CCDC178: variants seen among roughly 807,000 people sequenced by gnomAD.
CCDC178 encodes coiled-coil domain containing 178, also known as coiled-coil domain-containing protein 178.
Under a neutral mutation model 117.4 loss-of-function variants are expected in CCDC178, and 126 were observed. The ratio of observed to expected loss-of-function variants is 1.07; its 90% CI spans 0.93 to 1.24. CCDC178 has a LOEUF of 1.24. CCDC178 is among the 50% of genes most tolerant of loss of function. The probability of loss-of-function intolerance (pLI) is 0.00; values close to 1 mark genes in which losing one functional copy is unlikely to be tolerated. For synonymous variants in CCDC178, 283 were observed against 313.4 expected, an observed-to-expected ratio of 0.90 and a Z score of 1.02; for missense variants, 1,030 against 986.9, an observed-to-expected ratio of 1.04 and a Z score of -0.59.
At chr18:33,231,060 T>C (rs562885608) in intron 15 of CCDC178, among the ~76,000 whole-genome samples, 19 of 152,352 alleles carry the variant, frequency 1.2e-4, no homozygotes, top group African/African-American at 4.1e-4. Flanking sequence ...TATTCTTAAA[T>C]ATCACTCAAT....
Position 33,370,443 on chromosome 18 carries a change from A to G in CCDC178, c.209-254T>C, listed in dbSNP as rs530872326. 1.6e-3 allele frequency among the ~76,000 whole-genome samples: 237 copies of G among 152,134 alleles called. 1 individual carries two copies. Among genetic ancestry groups the G allele is most frequent in the African/African-American group, 5.5e-3 (230 of 41,550 alleles). Reference sequence around the variant, plus strand: ...GAGAAGCCAAAATAAAACTTCAAGCAAAGTTGAAAAACATAGCATTGTGAA... The same window carrying G: ...GAGAAGCCAAAATAAAACTTCAAGCGAAGTTGAAAAACATAGCATTGTGAA... On this transcript the variant is annotated intron_variant, in intron 5 of 22. Transcript: ENST00000383096.
intron 21 of CCDC178, among the ~76,000 whole-genome samples, chr18:32,991,356 C>G (rs2055388566): frequency 6.6e-6 from 1 of 152,096 alleles, no homozygotes; most frequent in East Asian, 1.9e-4. Context: ...GCCAGGATAA[C>G]TATGCCTAAT....
intron 22 of CCDC178, among the ~76,000 whole-genome samples, chr18:32,965,642 T>C (rs1231025947): frequency 6.6e-6 from 1 of 151,784 alleles, no homozygotes; most frequent in Non-Finnish European, 1.5e-5. Flanking sequence ...AGTGTATCTT[T>C]AGTATAAAAT....
At chr18:33,434,331 G>T (rs1252054795) in intron 2 of CCDC178, among the ~76,000 whole-genome samples, 3 of 152,034 alleles carry the variant, frequency 2.0e-5, no homozygotes, top group Non-Finnish European at 2.9e-5. Flanking sequence ...AAGAAATTAC[G>T]CCAACAGTTT....
intron 12 of CCDC178, among the ~76,000 whole-genome samples, chr18:33,277,386 C>T (rs564227361): frequency 1.3e-4 from 20 of 152,208 alleles, no homozygotes; most frequent in Non-Finnish European, 1.2e-4. Flanking sequence ...CTTGCAAATT[C>T]TATATGAGGA....
intron 5 of CCDC178, among the ~76,000 whole-genome samples, chr18:33,372,999 T>A (rs2063320342): frequency 6.6e-6 from 1 of 152,180 alleles, no homozygotes; most frequent in South Asian, 2.1e-4. Context: ...ACATCTTGAT[T>A]TTCTTTCCAA....
intron 21 of CCDC178, among the ~76,000 whole-genome samples, chr18:33,061,113 A>G (rs577348652): frequency 1.3e-5 from 2 of 152,112 alleles, no homozygotes; most frequent in Non-Finnish European, 2.9e-5. Context: ...GGCTTGTTTC[A>G]GCTTTAAAGA....
rs1404507483 is a variant in CCDC178, at chr18:33,200,368, CG to C, written c.2238+11527del. ...ATAGCCTGTTAGTGCAACACTAATG[CG>C]AAACAGCAGTCCAGCGGAAACATCT... On this transcript the variant is annotated intron_variant, in intron 20 of 22. Transcript: ENST00000383096. Among the ~76,000 whole-genome samples, 15 of 152,258 alleles carry C rather than the reference CG, an allele frequency of 9.9e-5. No homozygotes were observed. The East Asian group carries it at 2.7e-3, about 27-fold the overall frequency.
At chr18:33,317,446 C>T (rs571012934) in intron 11 of CCDC178, among the ~76,000 whole-genome samples, 6 of 152,248 alleles carry the variant, frequency 3.9e-5, no homozygotes, top group African/African-American at 1.2e-4. Flanking sequence ...TAACACTCAC[C>T]GCAAGTGTCC....
chr18:33,314,247 G>C (rs1012248586), intron 11 of CCDC178, among the ~76,000 whole-genome samples: 3 of 127,336 alleles, frequency 2.4e-5, no homozygotes, highest in Non-Finnish European at 4.9e-5. Flanking sequence ...ATTGTGCCTA[G>C]ATTCAGGCTG....
intron 21 of CCDC178, among the ~76,000 whole-genome samples, chr18:33,062,813 T>A (rs1371331831): frequency 6.6e-6 from 1 of 152,090 alleles, no homozygotes; most frequent in African/African-American, 2.4e-5. Flanking sequence ...CACAGTCCCT[T>A]ATTTCCACAT....
intron 9 of CCDC178, among the ~76,000 whole-genome samples, chr18:33,334,147 C>T (rs2062709525): frequency 6.6e-6 from 1 of 151,988 alleles, no homozygotes; most frequent in Non-Finnish European, 1.5e-5. Flanking sequence ...TTACAAATAA[C>T]ATAGTTCATG....
chr18:33,207,697 T>C (rs2059061429), intron 20 of CCDC178, among the ~76,000 whole-genome samples: 1 of 151,936 alleles, frequency 6.6e-6, no homozygotes, highest in African/African-American at 2.4e-5. Flanking sequence ...AAATGGTAGT[T>C]GATTGTCAAT....
At chr18:33,228,340 G>C (rs1053168690) in intron 15 of CCDC178, among the ~76,000 whole-genome samples, 1 of 151,910 alleles carries the variant, frequency 6.6e-6, no homozygotes, top group African/African-American at 2.4e-5. Flanking sequence ...TTTTTTAATT[G>C]TCAACTAGTG....
At chr18:33,109,491 G>T (rs549790734) in intron 20 of CCDC178, among the ~76,000 whole-genome samples, 1 of 151,384 alleles carries the variant, frequency 6.6e-6, no homozygotes, top group East Asian at 1.9e-4. Context: ...TTAATCCCTC[G>T]ATCTTTTAAA....
intron 20 of CCDC178, among the ~76,000 whole-genome samples, chr18:33,129,455 G>A (rs2058046261): frequency 6.6e-6 from 1 of 151,748 alleles, no homozygotes; most frequent in Non-Finnish European, 1.5e-5. Context: ...GCAAATCATG[G>A]CAATTTTATG....
chr18:32,968,470 T>C (rs2054861732), intron 22 of CCDC178, among the ~76,000 whole-genome samples: 1 of 152,002 alleles, frequency 6.6e-6, no homozygotes, highest in Admixed American at 6.6e-5. Flanking sequence ...GGAATGGGAA[T>C]GCGGATATGT....
intron 20 of CCDC178, among the ~76,000 whole-genome samples, chr18:33,114,106 AAT>A (rs1452210480): frequency 6.6e-6 from 1 of 152,068 alleles, no homozygotes; most frequent in East Asian, 1.9e-4. Flanking sequence ...TGTAGCAAAT[AAT>A]GTTCTGAGGC....
At chr18:33,317,434 T>C (rs1261787853) in intron 11 of CCDC178, among the ~76,000 whole-genome samples, 11 of 152,198 alleles carry the variant, frequency 7.2e-5, no homozygotes, top group Admixed American at 7.2e-4. Flanking sequence ...CTTTAAGAAC[T>C]GTAACACTCA....
Sources: gnomAD v4.1 joint callset for allele counts (sites outside exome capture counted in the v4.1 genomes callset) on GRCh38, gnomAD v4.1.1 for gene constraint, MANE v1.5 for transcripts, NCBI Gene and HGNC (gene_info 2026-07-23, HGNC 2026-07-21) for gene names.